Variants in TMEM17 observed in about 807,000 individuals in gnomAD.
TMEM17 encodes transmembrane protein 17.
Under a neutral mutation model 19.1 loss-of-function variants are expected in TMEM17, and 15 were observed. The ratio of observed to expected loss-of-function variants is 0.78; its 90% confidence interval spans 0.52 to 1.21. TMEM17 has a LOEUF of 1.21. TMEM17 is among the 50% of genes most tolerant of loss of function. TMEM17 has a pLI of 0.00. For synonymous variants in TMEM17, 103 were observed against 86.9 expected, an observed-to-expected ratio of 1.19 and a Z score of -1.03; for missense variants, 245 against 242.3, an observed-to-expected ratio of 1.01 and a Z score of -0.07.
At chr2:62,469,431 C>T in the TMEM17 span, among the ~76,000 whole-genome samples, 1,115 of 152,338 alleles carry the variant, frequency 7.3e-3, 11 homozygotes, top group African/African-American at 0.025. Flanking sequence ...AAGATCTTTT[C>T]AGCTAATTCT....
the TMEM17 span, among the ~76,000 whole-genome samples, chr2:62,459,094 C>A: frequency 6.6e-6 from 1 of 152,180 alleles, no homozygotes; most frequent in Non-Finnish European, 1.5e-5. Context: ...GAATTTCTGA[C>A]TGAAAATTGT....
At chr2:62,457,099 A>G in the TMEM17 span, among the ~76,000 whole-genome samples, 737 of 152,248 alleles carry the variant, frequency 4.8e-3, 3 homozygotes, top group African/African-American at 0.017. The surrounding 1 kb of genome is among the most constrained non-coding windows in gnomAD (Gnocchi z 4.2). Flanking sequence ...CCACCCTGCG[A>G]TCTCTCGCGC....
chr2:62,466,956 G>C, the TMEM17 span, among the ~76,000 whole-genome samples: 615 of 152,202 alleles, frequency 4.0e-3, 5 homozygotes, highest in African/African-American at 0.014. Flanking sequence ...CCATGGCCCC[G>C]AGCCCTTAGA....
chr2:62,506,035 C>A lies in TMEM17; in HGVS notation c.95G>T (p.Gly32Val). The stretch of plus-strand genomic sequence containing the variant: ...ACCGGGCCTCGGTCACTCACCCGGA[C>A]CCTCATTGGACTCTGGACCGGTCCG... ...SNRTGPESNE[G>V]PENEMVSSLA... Residue 32 changes from glycine (G) to valine (V), a missense_variant, in exon 1 of 4, where the codon GGT becomes GTT. By Grantham distance (109) the Gly-to-Val change is moderately radical (BLOSUM62 -3). Transcript: ENST00000335390. 6.2e-7 allele frequency: 1 copy of A among 1,609,962 alleles called. No homozygotes were observed. The highest frequency in any genetic ancestry group is 8.5e-7 in the Non-Finnish European group (1 of 1,178,350).
At chr2:62,459,184 G>A in the TMEM17 span, among the ~76,000 whole-genome samples, 3 of 152,254 alleles carry the variant, frequency 2.0e-5, no homozygotes, top group Non-Finnish European at 2.9e-5. Flanking sequence ...GGGAGTCAGA[G>A]GTGGTTTTCA....
Position 62,501,225 on chromosome 2 carries a change from C to G in TMEM17, c.581G>C (p.Cys194Ser). ...AACACTGGATCAGATCTCTTCTATA[C>G]ATGACCTCATCCTTCTCATGTCTCC... ...NRGDMRRMRS[C>S]IEEI The change falls in exon 4 of 4, where the codon TGT (cysteine) becomes TCT (serine). Residue 194 changes from cysteine (C) to serine (S), a missense_variant. Coordinates refer to ENST00000335390, the MANE Select transcript of TMEM17 (RefSeq NM_198276.3). 6.2e-7 allele frequency: 1 copy of G among 1,614,160 alleles called. No individual in the cohort carries two copies. Among genetic ancestry groups the G allele is most frequent in the Non-Finnish European group, 8.5e-7 (1 of 1,180,026 alleles).
the TMEM17 span, among the ~76,000 whole-genome samples, chr2:62,464,423 G>A: frequency 4.1e-4 from 62 of 152,354 alleles, 2 homozygotes; most frequent in South Asian, 8.3e-3. Flanking sequence ...GGAGTTGAGC[G>A]CAGCGGGCTG....
chr2:62,488,751 T>G, the TMEM17 span, among the ~76,000 whole-genome samples: 1 of 150,664 alleles, frequency 6.6e-6, no homozygotes, highest in East Asian at 2.0e-4. Flanking sequence ...AGGTTTACAC[T>G]GAGCTGCTGT....
downstream of TMEM17, among the ~76,000 whole-genome samples, chr2:62,498,342 A>C (rs1034187984): frequency 1.3e-4 from 20 of 149,800 alleles, no homozygotes; most frequent in East Asian, 8.0e-4. Context: ...AGCCGAGATC[A>C]CGCCACTGCA....
rs772495748 is a variant in TMEM17, at chr2:62,501,227, T to G, written c.579A>C (p.Ser193=). Reference sequence around the variant, plus strand: ...CACTGGATCAGATCTCTTCTATACATGACCTCATCCTTCTCATGTCTCCTC... The same window carrying G: ...CACTGGATCAGATCTCTTCTATACAGGACCTCATCCTTCTCATGTCTCCTC... ...ANRGDMRRMR[S]CIEEI is the part of the protein sequence containing the mutation. The change falls in exon 4 of 4, where the codon TCA becomes TCC. Residue 193 remains serine (S), a synonymous_variant. Coordinates refer to ENST00000335390, the MANE Select transcript of TMEM17 (RefSeq NM_198276.3). The G allele has an allele frequency of 1.9e-6, 3 of 1,614,234 alleles. No individual in the cohort carries two copies. In the South Asian group the frequency reaches 3.3e-5, roughly 18 times the overall value.
At chr2:62,482,523 C>A in the TMEM17 span, among the ~76,000 whole-genome samples, 3 of 152,086 alleles carry the variant, frequency 2.0e-5, no homozygotes, top group African/African-American at 7.2e-5. Flanking sequence ...TTCAGTCTAC[C>A]CTTAGTCAGA....
the TMEM17 span, among the ~76,000 whole-genome samples, chr2:62,478,307 G>T: frequency 6.6e-6 from 1 of 152,182 alleles, no homozygotes; most frequent in Non-Finnish European, 1.5e-5. Context: ...TTCTTAGCCA[G>T]TGTTGCTTGT....
chr2:62,475,383 T>G, the TMEM17 span, among the ~76,000 whole-genome samples: 2 of 152,248 alleles, frequency 1.3e-5, no homozygotes, highest in Non-Finnish European at 2.9e-5. Context: ...TGAGTGCGGC[T>G]GTCCTCTCCA....
At chr2:62,484,775 A>G in the TMEM17 span, among the ~76,000 whole-genome samples, 1 of 152,150 alleles carries the variant, frequency 6.6e-6, no homozygotes, top group African/African-American at 2.4e-5. Context: ...CACTACTGAA[A>G]TCCTGTTTTT....
Position 62,502,569 on chromosome 2 carries a change from C to A in TMEM17, c.205-19G>T. ...TTGAATACTAAAAGAAAAGCCAAAACATGTTTGTAAAATCTCATGTATAGT... is the reference window on the plus strand; with the variant it reads ...TTGAATACTAAAAGAAAAGCCAAAAAATGTTTGTAAAATCTCATGTATAGT... On this transcript the variant is annotated intron_variant, in intron 2 of 3. Coordinates refer to ENST00000335390, the MANE Select transcript of TMEM17 (RefSeq NM_198276.3). 1 of 1,541,050 alleles carries A rather than the reference C, an allele frequency of 6.5e-7. No individual in the cohort carries two copies. Among genetic ancestry groups the A allele is most frequent in the Admixed American group, 1.9e-5 (1 of 53,114 alleles).
chr2:62,467,830 C>T, the TMEM17 span, among the ~76,000 whole-genome samples: 2 of 151,466 alleles, frequency 1.3e-5, no homozygotes, highest in African/African-American at 4.8e-5. Context: ...GGTGGCAGGG[C>T]CTGGGGTGGT....
At chr2:62,476,585 G>A in the TMEM17 span, among the ~76,000 whole-genome samples, 1 of 152,146 alleles carries the variant, frequency 6.6e-6, no homozygotes, top group Admixed American at 6.5e-5. Context: ...ATCCTAAGTT[G>A]CACCATCATA....
intron 1 of TMEM17, among the ~76,000 whole-genome samples, chr2:62,504,648 A>G (rs1273439348): frequency 1.3e-5 from 2 of 152,256 alleles, no homozygotes; most frequent in African/African-American, 4.8e-5. Context: ...GCAAAAGTTC[A>G]AGTTGAGTTC....
the TMEM17 span, among the ~76,000 whole-genome samples, chr2:62,455,832 A>C: frequency 6.6e-6 from 1 of 152,240 alleles, no homozygotes; most frequent in African/African-American, 2.4e-5. Context: ...TCTCATCAGC[A>C]ATATATGAAA....
Sources: gnomAD v4.1 joint callset for allele counts (sites outside exome capture counted in the v4.1 genomes callset) on GRCh38, gnomAD v4.1.1 for gene constraint, Gnocchi (gnomAD v3.1) non-coding constraint, MANE v1.5 for transcripts, NCBI Gene and HGNC (gene_info 2026-07-23, HGNC 2026-07-21) for gene names.